MEGF11: variants seen among roughly 807,000 people sequenced by gnomAD.
MEGF11 encodes multiple epidermal growth factor-like domains protein 11.
Under a neutral mutation model 146.6 loss-of-function variants are expected in MEGF11, and 126 were observed. The observed-to-expected ratio is 0.86, with a 90% CI of 0.74 to 1.00. The LOEUF is 1.00. Ranked by LOEUF, MEGF11 falls within the 50% of genes least tolerant of loss-of-function variation. MEGF11 has a pLI of 0.00. For missense variants in MEGF11, 1,509 were observed against 1,521.2 expected, an observed-to-expected ratio of 0.99 and a Z score of 0.13; for synonymous variants, 532 against 583.4, an observed-to-expected ratio of 0.91 and a Z score of 1.27.
intron 5 of MEGF11, among the ~76,000 whole-genome samples, chr15:66,044,850 CAAAAAA>C (rs140901440): frequency 2.1e-4 from 19 of 90,710 alleles, no homozygotes; most frequent in Admixed American, 3.2e-4. Flanking sequence ...GACCTTATCT[CAAAAAA>C]AAAAAAAAAA....
chr15:65,895,556 A>AC lies in MEGF11; in HGVS notation c.*2377_*2378insG. On this transcript the variant is annotated 3_prime_UTR_variant, in exon 26 of 26. Coordinates refer to ENST00000395614, the MANE Select transcript of MEGF11 (RefSeq NM_001385028.1). ...AGTATACATGTTTAGGCTGACCATG[A>AC]ACCTATTTGTGATGGTGTTAGACAG... The AC allele has an allele frequency of 6.5e-6, 1 of 152,766 alleles. No homozygotes were observed. The highest frequency in any genetic ancestry group is 2.4e-5 in the African/African-American group (1 of 41,584). The allele number at this position is 152,766 out of a possible 1,614,324, so 9.5% of individuals were successfully genotyped here. A position where few individuals can be genotyped will look rare whatever the true frequency, so the allele number is the denominator to read the frequency against.
At chr15:65,903,267 A>AAT in intron 24 of MEGF11, among the ~76,000 whole-genome samples, 1 of 152,356 alleles carries the variant, frequency 6.6e-6, no homozygotes, top group Admixed American at 6.5e-5. Context: ...CAAGGATTCC[A>AAT]GCATCATAAA....
chr15:66,172,612 G>T (rs2090292079), intron 1 of MEGF11, among the ~76,000 whole-genome samples: 1 of 152,120 alleles, frequency 6.6e-6, no homozygotes, highest in Non-Finnish European at 1.5e-5. Flanking sequence ...CACCCCTTCA[G>T]GTCTGAGGCC....
At chr15:66,189,128 T>A (rs1052856618) in intron 1 of MEGF11, among the ~76,000 whole-genome samples, 5 of 152,202 alleles carry the variant, frequency 3.3e-5, no homozygotes, top group Non-Finnish European at 5.9e-5. Flanking sequence ...TAGAATTATT[T>A]AAAAATTAAA....
chr15:66,057,982 ACAAAAAG>A (rs1332399365), intron 5 of MEGF11, among the ~76,000 whole-genome samples: 2 of 152,248 alleles, frequency 1.3e-5, no homozygotes, highest in Non-Finnish European at 2.9e-5. Context: ...TAATTGCCAC[ACAAAAAG>A]AATTTAGAAA....
At chr15:66,248,922 A>C (rs1425479825) in intron 1 of MEGF11, among the ~76,000 whole-genome samples, 1 of 152,228 alleles carries the variant, frequency 6.6e-6, no homozygotes, top group African/African-American at 2.4e-5. Context: ...TCTCAACTAT[A>C]AAATAATCGA....
At chr15:66,017,451 A>G (rs1159351740) in intron 5 of MEGF11, among the ~76,000 whole-genome samples, 4 of 152,214 alleles carry the variant, frequency 2.6e-5, no homozygotes, top group Non-Finnish European at 5.9e-5. Context: ...AAGCTTATAC[A>G]GGTTGTGAAG....
At position 65,929,719 on chromosome 15, in the gene MEGF11, C is replaced by A; in HGVS notation, c.1572+1G>T. The A allele has an allele frequency of 6.5e-7, 1 of 1,550,070 alleles. No individual in the cohort carries two copies. The highest frequency in any genetic ancestry group is 2.0e-5 in the Admixed American group (1 of 50,944). The stretch of plus-strand genomic sequence containing the variant: ...CTGTCCCTCCCCACCCTGGCACTCA[C>A]CGGGCAAGGCAGCTCACAGGTGTCT... On this transcript the variant is annotated splice_donor_variant, in intron 12 of 25. Transcript: ENST00000395614. LOFTEE classifies it high-confidence loss of function.
chr15:66,064,086 C>G (rs1256123379), intron 5 of MEGF11, among the ~76,000 whole-genome samples: 7 of 152,150 alleles, frequency 4.6e-5, no homozygotes, highest in Admixed American at 4.6e-4. Flanking sequence ...AAACAAAATA[C>G]TGGCTGGGCG....
chr15:66,194,869 AT>A (rs770147074), intron 1 of MEGF11, among the ~76,000 whole-genome samples: 1 of 152,232 alleles, frequency 6.6e-6, no homozygotes, highest in Non-Finnish European at 1.5e-5. Flanking sequence ...TCTAAAAAAA[AT>A]AACAAACATA....
intron 1 of MEGF11, among the ~76,000 whole-genome samples, chr15:66,157,025 A>G (rs917825213): frequency 6.6e-6 from 1 of 152,134 alleles, no homozygotes; most frequent in African/African-American, 2.4e-5. Flanking sequence ...GCCCGGACTC[A>G]ACCAGACCAC....
intron 10 of MEGF11, among the ~76,000 whole-genome samples, chr15:65,931,207 G>T (rs1020999754): frequency 2.0e-5 from 3 of 152,134 alleles, no homozygotes; most frequent in Admixed American, 2.0e-4. Context: ...ACCAAAGAAG[G>T]TAGGTCAGAG....
intron 1 of MEGF11, among the ~76,000 whole-genome samples, chr15:66,154,632 G>T (rs941052076): frequency 3.9e-5 from 6 of 152,356 alleles, no homozygotes; most frequent in Non-Finnish European, 8.8e-5. Flanking sequence ...AAGTGCTGGA[G>T]GGACGTGCAA....
chr15:66,157,273 C>T (rs964389531), intron 1 of MEGF11, among the ~76,000 whole-genome samples: 3 of 152,236 alleles, frequency 2.0e-5, no homozygotes, highest in Non-Finnish European at 2.9e-5. Context: ...AGCCATTCCA[C>T]CCATGCTCTG....
intron 1 of MEGF11, among the ~76,000 whole-genome samples, chr15:66,210,883 G>T (rs1391510937): frequency 6.6e-6 from 1 of 152,216 alleles, no homozygotes; most frequent in Non-Finnish European, 1.5e-5. Flanking sequence ...GGAAGAGCTG[G>T]ACTTGAGCCC....
chr15:66,166,847 T>C (rs1190390356), intron 1 of MEGF11, among the ~76,000 whole-genome samples: 1 of 152,084 alleles, frequency 6.6e-6, no homozygotes, highest in East Asian at 1.9e-4. Flanking sequence ...CAATCCTGGA[T>C]AAATAAATAT....
intron 1 of MEGF11, among the ~76,000 whole-genome samples, chr15:66,210,294 G>C (rs1449443689): frequency 6.6e-6 from 1 of 152,184 alleles, no homozygotes; most frequent in Non-Finnish European, 1.5e-5. Flanking sequence ...TCAAACAAAT[G>C]TAAAGAGGCG....
At chr15:66,102,681 G>A (rs769981750) in intron 4 of MEGF11, among the ~76,000 whole-genome samples, 35 of 152,030 alleles carry the variant, frequency 2.3e-4, no homozygotes, top group African/African-American at 7.2e-4. Flanking sequence ...GGCCTCAAGC[G>A]ATCCTCCTAC....
chr15:66,129,748 T>C lies in MEGF11; in HGVS notation c.-8-1337A>G, dbSNP rs145944667. Among the ~76,000 whole-genome samples the C allele has an allele frequency of 3.5e-4, 54 of 152,298 alleles. No individual in the cohort carries two copies. The East Asian group carries it at 9.3e-3, about 26-fold the overall frequency. On this transcript the variant is annotated intron_variant, in intron 1 of 25. Transcript: ENST00000395614. ...GCCATTCTTCTGAAAGGTCAAACAC[T>C]CTCCTTCGCTCCACAATGATTTCCT...
Sources: gnomAD v4.1 joint callset for allele counts (sites outside exome capture counted in the v4.1 genomes callset) on GRCh38, gnomAD v4.1.1 for gene constraint, MANE v1.5 for transcripts, NCBI Gene and HGNC (gene_info 2026-07-23, HGNC 2026-07-21) for gene names.